Variants in FNDC1 observed in about 807,000 individuals in gnomAD.
The protein encoded by FNDC1 is fibronectin type III domain containing 1.
Under a neutral mutation model 168.0 loss-of-function variants are expected in FNDC1, and 96 were observed. The observed-to-expected ratio is 0.57, with a 90% confidence interval of 0.48 to 0.68. The LOEUF (loss-of-function observed/expected upper bound fraction) is 0.68. Among genes scored for constraint, FNDC1 ranks in the 30% least tolerant of loss-of-function variants. The pLI is 0.00. For missense variants in FNDC1, 2,587 were observed against 2,482.1 expected (o/e 1.04, Z -0.90); for synonymous variants, 1,099 against 1,025.9 (o/e 1.07, Z -1.36).
At chr6:159,221,943 G>T (rs912767838) in intron 6 of FNDC1, among the ~76,000 whole-genome samples, 2 of 152,198 alleles carry the variant, frequency 1.3e-5, no homozygotes, top group South Asian at 4.1e-4. Context: ...GATTTGCTGC[G>T]ATAGGAGCAG....
At chr6:159,216,749 C>T (rs1404189089) in intron 5 of FNDC1, among the ~76,000 whole-genome samples, 1 of 152,230 alleles carries the variant, frequency 6.6e-6, no homozygotes, top group East Asian at 1.9e-4. Flanking sequence ...TACACTTGCC[C>T]TATGTTCTCC....
At chr6:159,211,029 G>T (rs1053524645) in intron 4 of FNDC1, among the ~76,000 whole-genome samples, 1 of 152,090 alleles carries the variant, frequency 6.6e-6, no homozygotes, top group African/African-American at 2.4e-5. Context: ...CCATGGCTCC[G>T]GCCTAAATGG....
At chr6:159,175,657 C>T (rs1216545136) in intron 1 of FNDC1, among the ~76,000 whole-genome samples, 1 of 152,146 alleles carries the variant, frequency 6.6e-6, no homozygotes, top group Non-Finnish European at 1.5e-5. Flanking sequence ...ATGGATTTGG[C>T]CTGTGGATGT....
At chr6:159,237,774 A>AT (rs1289199628) in intron 12 of FNDC1, among the ~76,000 whole-genome samples, 1 of 152,148 alleles carries the variant, frequency 6.6e-6, no homozygotes, top group Non-Finnish European at 1.5e-5. Flanking sequence ...ACCTTCCATA[A>AT]TTTTTTTCTC....
Position 159,221,656 on chromosome 6 carries a change from A to G in FNDC1, c.726A>G (p.Gln242=), listed in dbSNP as rs1490028540. The change falls in exon 6 of 23, where the codon CAA becomes CAG. Residue 242 remains glutamine (Q), a synonymous_variant. Coordinates refer to ENST00000297267, the MANE Select transcript of FNDC1 (RefSeq NM_032532.3). ...LQSMNSQGRS[Q]PVYRAALTKR... ...CCATGAACTCTCAGGGCCGGAGCCA[A>G]CCAGTCTACAGGGCTGCCCTAACAA... 1 of 1,614,036 alleles carries G rather than the reference A, an allele frequency of 6.2e-7. No individual in the cohort carries two copies. Among genetic ancestry groups the G allele is most frequent in the Non-Finnish European group, 8.5e-7 (1 of 1,179,882 alleles).
intron 4 of FNDC1, among the ~76,000 whole-genome samples, chr6:159,206,668 C>A (rs922912325): frequency 6.6e-6 from 1 of 152,156 alleles, no homozygotes; most frequent in Non-Finnish European, 1.5e-5. Flanking sequence ...TGGGCAAGCC[C>A]GTTTGTTGAA....
At chr6:159,200,165 T>C in intron 3 of FNDC1, 83 bp downstream of exon 3, 4 of 1,051,522 alleles carry the variant, frequency 3.8e-6, no homozygotes, top group Non-Finnish European at 5.7e-6. Flanking sequence ...CCAGTAAATA[T>C]AAATTTAGAG....
At chr6:159,252,048 C>T (rs1342401851) in intron 17 of FNDC1, among the ~76,000 whole-genome samples, 1 of 152,180 alleles carries the variant, frequency 6.6e-6, no homozygotes, top group Non-Finnish European at 1.5e-5. Flanking sequence ...AATCTGGGTG[C>T]TTCTCAGTTC....
chr6:159,207,954 G>C (rs1168963918), intron 4 of FNDC1, among the ~76,000 whole-genome samples: 5 of 152,194 alleles, frequency 3.3e-5, no homozygotes, highest in African/African-American at 9.7e-5. Flanking sequence ...GTGTTATACT[G>C]TGGGGATCCA....
chr6:159,251,650 T>C, intron 17 of FNDC1, 118 bp downstream of exon 17: 1 of 816,892 alleles, frequency 1.2e-6, no homozygotes. Context: ...ATGGGTTGGA[T>C]GGATGAATGG....
At chr6:159,265,858 G>A (rs1184482193) in intron 20 of FNDC1, among the ~76,000 whole-genome samples, 1 of 152,154 alleles carries the variant, frequency 6.6e-6, no homozygotes, top group Non-Finnish European at 1.5e-5. Context: ...AACCCGGGAG[G>A]TGGAGGTTGC....
intron 5 of FNDC1, among the ~76,000 whole-genome samples, chr6:159,215,492 CT>C (rs1240836384): frequency 6.6e-6 from 1 of 152,150 alleles, no homozygotes; most frequent in Non-Finnish European, 1.5e-5. Flanking sequence ...GAAGCTTTGT[CT>C]TAGAATCCTA....
intron 4 of FNDC1, among the ~76,000 whole-genome samples, chr6:159,211,390 C>G (rs1020376844): frequency 1.3e-5 from 2 of 152,176 alleles, no homozygotes; most frequent in Non-Finnish European, 1.5e-5. Context: ...TGTGGTCATG[C>G]GTTCTTTTAC....
chr6:159,248,937 C>T (rs2115012442), intron 15 of FNDC1, 102 bp from the exon 16 acceptor site: 6 of 1,098,070 alleles, frequency 5.5e-6, no homozygotes, highest in Non-Finnish European at 1.3e-6. Context: ...GTCTGTCTGT[C>T]TGGGTTTCAG....
rs1440002539 is a variant in FNDC1 at position 159,232,556 on chromosome 6, C to T, written c.2044C>T (p.Arg682Cys). The T allele has an allele frequency of 3.1e-6, 5 of 1,611,782 alleles. No homozygotes were observed. Among genetic ancestry groups the T allele is most frequent in the South Asian group, 1.1e-5 (1 of 90,848 alleles). ...CCGCCAGTCCCCGTCCAGCGTTCTCCGCGACAGAAGCTCTGTGCACCCCGG... is the reference window on the plus strand; with the variant it reads ...CCGCCAGTCCCCGTCCAGCGTTCTCTGCGACAGAAGCTCTGTGCACCCCGG... ...PSRQSPSSVL[R>C]DRSSVHPGAK... Residue 682 changes from arginine (R) to cysteine (C), a missense_variant, in exon 11 of 23, where the codon CGC (arginine) becomes TGC (cysteine). Physicochemically the swap from Arg to Cys is radical, Grantham distance 180. Coordinates refer to ENST00000297267, the MANE Select transcript of FNDC1 (RefSeq NM_032532.3). The surrounding 1 kb of genome is among the most constrained non-coding windows in gnomAD (Gnocchi z 4.9).
Position 159,169,611 on chromosome 6 carries a change from CG to C in FNDC1, c.19del (p.Ala7ArgfsTer35), listed in dbSNP as rs1312718823. On this transcript the variant is annotated frameshift_variant, in exon 1 of 23. Transcript: ENST00000297267. LOFTEE classifies it high-confidence loss of function. This position sits in a 1 kb window ranked among gnomAD's most constrained non-coding sequence, Gnocchi z 6.8. The part of the protein sequence containing the change: MAPEA[G>X]ATLRAPRRLS... ...CCGGGCTCTCGATGGCCCCCGAGGCCGGGGCGACCCTGCGCGCGCCGCGCCG... is the reference window on the plus strand; with the variant it reads ...CCGGGCTCTCGATGGCCCCCGAGGCCGGGCGACCCTGCGCGCGCCGCGCCG... The C allele has an allele frequency of 1.8e-6, 2 of 1,125,916 alleles. No homozygotes were observed. The highest frequency in any genetic ancestry group is 2.2e-6 in the Non-Finnish European group (2 of 921,222). 69.7% of individuals were successfully genotyped at this position (1,125,916 alleles called of 1,614,324 possible). A position where few individuals can be genotyped will look rare whatever the true frequency, so the allele number is the denominator to read the frequency against.
At chr6:159,256,050 G>A (rs764255783) in intron 17 of FNDC1, among the ~76,000 whole-genome samples, 29 of 152,214 alleles carry the variant, frequency 1.9e-4, no homozygotes, top group Non-Finnish European at 8.8e-5. Flanking sequence ...TTCACCAAGT[G>A]GGCATGGGAC....
At chr6:159,202,358 T>G (rs1782397909) in intron 4 of FNDC1, among the ~76,000 whole-genome samples, 1 of 152,254 alleles carries the variant, frequency 6.6e-6, no homozygotes, top group African/African-American at 2.4e-5. Context: ...GTGATCACCA[T>G]GTATCTATAC....
intron 12 of FNDC1, among the ~76,000 whole-genome samples, chr6:159,238,242 C>T (rs1317604079): frequency 1.3e-5 from 2 of 151,970 alleles, no homozygotes; most frequent in African/African-American, 2.4e-5. Context: ...GGACTACAAG[C>T]GCCCGCCACC....
Sources: gnomAD v4.1 joint callset for allele counts (sites outside exome capture counted in the v4.1 genomes callset) on GRCh38, gnomAD v4.1.1 for gene constraint, Gnocchi (gnomAD v3.1) non-coding constraint, MANE v1.5 for transcripts, NCBI Gene and HGNC (gene_info 2026-07-23, HGNC 2026-07-21) for gene names.